The following HSPD1 variants were observed in gnomAD, a reference collection of about 807,000 sequenced individuals.
HSPD1 encodes the protein heat shock protein family D (Hsp60) member 1.
HSPD1 carries 3 observed loss-of-function variants against 53.0 expected under a neutral mutation model. The observed-to-expected ratio is 0.06, with a 90% CI of 0.03 to 0.15. HSPD1 has a LOEUF of 0.15. Among genes scored for constraint, HSPD1 ranks in the 10% least tolerant of loss-of-function variants. HSPD1 has a pLI of 1.00. For synonymous variants in HSPD1, 200 were observed against 228.0 expected, an observed-to-expected ratio of 0.88 and a Z score of 1.10; for missense variants, 431 against 694.1, an observed-to-expected ratio of 0.62 and a Z score of 4.26.
chr2:197,491,895 T>C (rs574510777), intron 7 of HSPD1, among the ~76,000 whole-genome samples: 5 of 152,284 alleles, frequency 3.3e-5, no homozygotes, highest in South Asian at 2.1e-4. Flanking sequence ...TCCCAGCACT[T>C]TGGGAGGCTG....
intron 7 of HSPD1, chr2:197,490,532 TAATA>T (rs1439557284): frequency 5.9e-6 from 3 of 509,688 alleles, no homozygotes; most frequent in Non-Finnish European, 7.1e-6. Flanking sequence ...TTTACCTTCT[TAATA>T]AACTGTTGGC....
chr2:197,493,539 A>G (rs768601483), intron 6 of HSPD1, 47 bp from the exon 7 acceptor site: 1 of 1,374,126 alleles, frequency 7.3e-7, no homozygotes. Context: ...AATGACTGCA[A>G]TACATTTAAA....
intron 7 of HSPD1, among the ~76,000 whole-genome samples, chr2:197,491,650 T>G (rs994514905): frequency 1.3e-5 from 2 of 152,178 alleles, no homozygotes; most frequent in African/African-American, 4.8e-5. Flanking sequence ...AATTCTGAGA[T>G]AAGGAAGAAC....
chr2:197,486,643 T>G lies in HSPD1; in HGVS notation c.*403A>C, dbSNP rs1381295659. On this transcript the variant is annotated 3_prime_UTR_variant, in exon 12 of 12. Transcript: ENST00000388968. ...GTCACATAATTGGATACTTCTCTAC[T>G]TTGTACACAATTATTCTCACTCTCC... 1 of 256,016 alleles carries G rather than the reference T, an allele frequency of 3.9e-6. No individual in the cohort carries two copies. The highest frequency in any genetic ancestry group is 5.0e-5 in the Admixed American group (1 of 20,118). The allele number at this position is 256,016 out of a possible 1,614,324, so 15.9% of individuals were successfully genotyped here. A position where few individuals can be genotyped will look rare whatever the true frequency, so the allele number is the denominator to read the frequency against.
intron 7 of HSPD1, 78 bp downstream of exon 7, chr2:197,493,246 T>G (rs746175644): frequency 4.8e-5 from 59 of 1,238,498 alleles, no homozygotes; most frequent in Non-Finnish European, 6.8e-5. Flanking sequence ...GTACACATGA[T>G]GGAAACTGCA....
chr2:197,489,310 A>T (rs2086062674), intron 8 of HSPD1, 63 bp from the exon 9 acceptor site: 2 of 1,490,868 alleles, frequency 1.3e-6, no homozygotes, highest in Admixed American at 1.7e-5. Flanking sequence ...TACCAAGTTT[A>T]TTAATACACC....
In HSPD1 at chr2:197,489,237, TCTC is replaced by T; in HGVS notation, c.977_979del (p.Gly326del). 1 of 1,614,164 alleles carries T rather than the reference TCTC, an allele frequency of 6.2e-7. No homozygotes were observed. The highest frequency in any genetic ancestry group is 1.1e-5 in the South Asian group (1 of 91,084). ...TTCAAGATTCAGGGTCAATCCCTCT[TCTC>T]CAAACACCTACAAAAAGAGTTAAAC... On this transcript the variant is annotated inframe_deletion, in exon 9 of 12. Transcript: ENST00000388968.
intron 3 of HSPD1, among the ~76,000 whole-genome samples, chr2:197,495,698 A>G (rs892967251): frequency 2.0e-5 from 3 of 152,052 alleles, no homozygotes; most frequent in African/African-American, 4.8e-5. Context: ...GGCTCAAGCA[A>G]TCCTCCCACC....
rs2086029507 is a variant in HSPD1 at position 197,486,704 on chromosome 2, C to A, written c.*342G>T. The A allele has an allele frequency of 6.2e-6, 2 of 320,220 alleles. No homozygotes were observed. The allele number at this position is 320,220 out of a possible 1,614,324, so 19.8% of individuals were successfully genotyped here. On this transcript the variant is annotated 3_prime_UTR_variant, in exon 12 of 12. Coordinates refer to ENST00000388968, the MANE Select transcript of HSPD1 (RefSeq NM_002156.5). ...TGCTTAACTTCTCATCTGGTGGTGG[C>A]AAGCACTAAAATCCTGATTTTAACA...
In HSPD1 at chr2:197,488,341, G is replaced by C. The variant is rs1392112294; in HGVS notation, c.1366C>G (p.Pro456Ala). 1 of 1,613,748 alleles carries C rather than the reference G, an allele frequency of 6.2e-7. No homozygotes were observed. The highest frequency in any genetic ancestry group is 1.3e-5 in the African/African-American group (1 of 74,884). Residue 456 changes from proline (P) to alanine (A), a missense_variant, in exon 10 of 12, where the codon CCA (proline) becomes GCA (alanine). Around this residue, in one of 2 missense-constraint regions of HSPD1, gnomAD observed 386 missense variants for 657.6 expected, o/e 0.59. Coordinates refer to ENST00000388968, the MANE Select transcript of HSPD1 (RefSeq NM_002156.5). ...RCIPALDSLTPANEDQKIGIE... is the reference protein window; with the variant it reads ...RCIPALDSLTAANEDQKIGIE... ...CCAATTTTTTGATCTTCATTAGCTGGAGTCAATGAGTCCAAGGCTGGAATG... is the reference window on the plus strand; with the variant it reads ...CCAATTTTTTGATCTTCATTAGCTGCAGTCAATGAGTCCAAGGCTGGAATG...
intron 8 of HSPD1, 70 bp downstream of exon 8, chr2:197,490,127 G>T: frequency 9.0e-7 from 1 of 1,116,472 alleles, no homozygotes; most frequent in Non-Finnish European, 1.4e-6. Context: ...ATTGTGAAAT[G>T]TTAAACTATC....
chr2:197,494,621 A>C (rs201885058), intron 5 of HSPD1, 36 bp downstream of exon 5: 1 of 1,296,728 alleles, frequency 7.7e-7, no homozygotes, highest in African/African-American at 1.4e-5. Flanking sequence ...TCATAAGATA[A>C]CTCAAAATTA....
In HSPD1 at chr2:197,486,989, A is replaced by C. The variant is rs2106069634; in HGVS notation, c.*57T>G. 1 of 1,056,998 alleles carries C rather than the reference A, an allele frequency of 9.5e-7. No homozygotes were observed. The highest frequency in any genetic ancestry group is 1.6e-5 in the African/African-American group (1 of 64,168). 65.5% of individuals were successfully genotyped at this position (1,056,998 alleles called of 1,614,324 possible). The stretch of plus-strand genomic sequence containing the variant: ...TTCTCTGAAGTTATTGGTGAGGAAC[A>C]CTGCCTTGGGCTTCCTGTCACAGTT... On this transcript the variant is annotated 3_prime_UTR_variant, in exon 12 of 12. Coordinates refer to ENST00000388968, the MANE Select transcript of HSPD1 (RefSeq NM_002156.5).
At chr2:197,489,330 A>T in intron 8 of HSPD1, 83 bp from the exon 9 acceptor site, 1 of 1,325,306 alleles carries the variant, frequency 7.5e-7, no homozygotes, top group South Asian at 1.2e-5. Context: ...CATGCAAGAG[A>T]ATCATCAAAA....
chr2:197,496,923 A>ATTG (rs2086165364), intron 3 of HSPD1: 1 of 576,138 alleles, frequency 1.7e-6, no homozygotes. Flanking sequence ...AAACAAAAGA[A>ATTG]ACCAACTAAG....
At chr2:197,497,713 A>T (rs2086176118) in intron 2 of HSPD1, among the ~76,000 whole-genome samples, 1 of 152,264 alleles carries the variant, frequency 6.6e-6, no homozygotes, top group South Asian at 2.1e-4. Context: ...TATCACTTAT[A>T]CTTTAGTTAG....
chr2:197,491,168 G>A (rs1478169372), intron 7 of HSPD1, among the ~76,000 whole-genome samples: 1 of 150,990 alleles, frequency 6.6e-6, no homozygotes, highest in African/African-American at 2.4e-5. Context: ...TTTTTTTCTG[G>A]CCTCAAGTCT....
At chr2:197,492,403 T>C (rs1271026649) in intron 7 of HSPD1, among the ~76,000 whole-genome samples, 3 of 151,996 alleles carry the variant, frequency 2.0e-5, no homozygotes, top group Non-Finnish European at 2.9e-5. Flanking sequence ...TTGGCCAGGC[T>C]GGTCTGGAAC....
intron 8 of HSPD1, among the ~76,000 whole-genome samples, chr2:197,489,616 T>C (rs2086066232): frequency 6.6e-6 from 1 of 152,172 alleles, no homozygotes; most frequent in African/African-American, 2.4e-5. Flanking sequence ...TCCCAGGACT[T>C]TGGGAGGCGG....
Sources: allele counts gnomAD v4.1 joint callset (sites outside exome capture counted in the v4.1 genomes callset), GRCh38; gene constraint gnomAD v4.1.1; regional missense constraint gnomAD v4.1.1; transcripts MANE v1.5; gene names NCBI Gene and HGNC (gene_info 2026-07-23, HGNC 2026-07-21).